CAAP1: variants seen among roughly 807,000 people sequenced by gnomAD.
CAAP1 encodes caspase activity and apoptosis inhibitor 1.
CAAP1 carries 20 observed loss-of-function variants against 34.0 expected under a neutral mutation model. The ratio of observed to expected loss-of-function variants is 0.59; its 90% CI spans 0.41 to 0.86. The LOEUF is 0.86. Ranked by LOEUF, CAAP1 falls within the 40% of genes least tolerant of loss-of-function variation. The probability of loss-of-function intolerance (pLI) is 0.00; values close to 1 mark genes in which losing one functional copy is unlikely to be tolerated. For missense variants in CAAP1, 538 were observed against 450.5 expected (o/e 1.19, Z -1.76); for synonymous variants, 213 against 166.7 (o/e 1.28, Z -2.14).
intron 4 of CAAP1, among the ~76,000 whole-genome samples, chr9:26,872,136 A>G (rs1823292993): frequency 6.6e-6 from 1 of 152,180 alleles, no homozygotes; most frequent in Non-Finnish European, 1.5e-5. Context: ...TGCTCTCAAT[A>G]AGACAACTGA....
intron 4 of CAAP1, among the ~76,000 whole-genome samples, chr9:26,870,909 G>A (rs999230098): frequency 6.6e-6 from 1 of 152,070 alleles, no homozygotes; most frequent in Admixed American, 6.5e-5. Context: ...GAGCCACCGC[G>A]CCCAGCCGCA....
intron 5 of CAAP1, among the ~76,000 whole-genome samples, chr9:26,852,585 A>G (rs1376482038): frequency 2.6e-5 from 4 of 152,326 alleles, no homozygotes; most frequent in Middle Eastern, 3.4e-3. Flanking sequence ...ATAAGAGTAC[A>G]CTACTGGTGT....
In CAAP1 at chr9:26,859,373, C is replaced by A. The variant is rs147019417; in HGVS notation, c.739+1693G>T. On this transcript the variant is annotated intron_variant, in intron 5 of 5. Transcript: ENST00000333916. ...AATTCTGAGTGTGTGAACATGGGAA[C>A]AGAAAAACATCTTCTCTTACAAGGT... Among the ~76,000 whole-genome samples the A allele has an allele frequency of 8.4e-3, 1,285 of 152,276 alleles. 13 individuals are homozygous for A. The highest frequency in any genetic ancestry group is 0.029 in the African/African-American group (1,199 of 41,548).
intron 4 of CAAP1, chr9:26,869,904 G>GGTGAT: frequency 1.0e-6 from 1 of 964,772 alleles, no homozygotes; most frequent in Non-Finnish European, 1.2e-6. Flanking sequence ...GATAGAGAAA[G>GGTGAT]AGTAGAAAAA....
chr9:26,855,755 G>C (rs917204592), intron 5 of CAAP1, among the ~76,000 whole-genome samples: 1 of 152,154 alleles, frequency 6.6e-6, no homozygotes, highest in African/African-American at 2.4e-5. Flanking sequence ...AGTATTTACT[G>C]TCTTTCCTTT....
At chr9:26,878,830 A>G (rs890970613) in intron 4 of CAAP1, among the ~76,000 whole-genome samples, 3 of 151,962 alleles carry the variant, frequency 2.0e-5, no homozygotes, top group African/African-American at 7.3e-5. Context: ...AAAAAAATCC[A>G]ACGCTTTCCT....
chr9:26,860,427 G>T (rs961686338), intron 5 of CAAP1, among the ~76,000 whole-genome samples: 2 of 152,110 alleles, frequency 1.3e-5, no homozygotes, highest in East Asian at 1.9e-4. Flanking sequence ...AAACTTACTG[G>T]TTTTTTCCCA....
intron 5 of CAAP1, among the ~76,000 whole-genome samples, chr9:26,847,087 C>G (rs1027153184): frequency 1.3e-5 from 2 of 148,220 alleles, no homozygotes; most frequent in African/African-American, 5.0e-5. Context: ...CTTTGGCTTA[C>G]TTTTTTGACT....
At chr9:26,883,710 G>A (rs1823658839) in intron 4 of CAAP1, among the ~76,000 whole-genome samples, 1 of 152,104 alleles carries the variant, frequency 6.6e-6, no homozygotes, top group South Asian at 2.1e-4. Context: ...TCAACGTGGG[G>A]AATGGGGCAA....
rs1823692503 is a variant in CAAP1, at chr9:26,884,886, C to T, written c.590-1G>A. ...ATATCAGAGTCCATTCCATTGTCACCTTATAAATGAAAGAAACTATTGAAA... is the reference window on the plus strand; with the variant it reads ...ATATCAGAGTCCATTCCATTGTCACTTTATAAATGAAAGAAACTATTGAAA... On this transcript the variant is annotated splice_acceptor_variant, in intron 3 of 5. Coordinates refer to ENST00000333916, the MANE Select transcript of CAAP1 (RefSeq NM_024828.4). LOFTEE classifies it high-confidence loss of function. 2 of 1,598,628 alleles carry T rather than the reference C, an allele frequency of 1.3e-6. No individual in the cohort carries two copies. The highest frequency in any genetic ancestry group is 1.7e-6 in the Non-Finnish European group (2 of 1,171,860).
intron 4 of CAAP1, among the ~76,000 whole-genome samples, chr9:26,882,131 T>C (rs1315997675): frequency 6.6e-6 from 1 of 152,174 alleles, no homozygotes; most frequent in Non-Finnish European, 1.5e-5. Flanking sequence ...AGCGTAAAAG[T>C]TCAGAAAATT....
chr9:26,888,805 C>T (rs1475065819), intron 1 of CAAP1, among the ~76,000 whole-genome samples: 2 of 152,186 alleles, frequency 1.3e-5, no homozygotes, highest in Non-Finnish European at 2.9e-5. Flanking sequence ...TTGTTCTTAA[C>T]AGCATTATTC....
At chr9:26,852,681 G>GTCC (rs1822780244) in intron 5 of CAAP1, among the ~76,000 whole-genome samples, 1 of 152,082 alleles carries the variant, frequency 6.6e-6, no homozygotes, top group Non-Finnish European at 1.5e-5. Context: ...AAGTAGACAT[G>GTCC]TGATAGATCA....
At chr9:26,888,944 G>T (rs1245260176) in intron 1 of CAAP1, among the ~76,000 whole-genome samples, 1 of 152,198 alleles carries the variant, frequency 6.6e-6, no homozygotes, top group Non-Finnish European at 1.5e-5. Context: ...ACAAAATGTG[G>T]TATAGTAACC....
At chr9:26,858,682 G>A (rs1050093302) in intron 5 of CAAP1, among the ~76,000 whole-genome samples, 1 of 152,084 alleles carries the variant, frequency 6.6e-6, no homozygotes, top group African/African-American at 2.4e-5. Context: ...AATTAGCCGG[G>A]CGTGGTGGGG....
chr9:26,876,210 G>C (rs980626937), intron 4 of CAAP1, among the ~76,000 whole-genome samples: 1 of 152,114 alleles, frequency 6.6e-6, no homozygotes, highest in African/African-American at 2.4e-5. Flanking sequence ...CATCTTCCAA[G>C]CACATCATTT....
intron 1 of CAAP1, among the ~76,000 whole-genome samples, chr9:26,888,958 A>G (rs1353062404): frequency 6.6e-6 from 1 of 152,256 alleles, no homozygotes; most frequent in Non-Finnish European, 1.5e-5. Flanking sequence ...AGTAACCATA[A>G]AAAGGCATGA....
intron 5 of CAAP1, among the ~76,000 whole-genome samples, chr9:26,845,208 T>C (rs962671315): frequency 2.0e-5 from 3 of 149,620 alleles, no homozygotes; most frequent in Non-Finnish European, 4.4e-5. Context: ...TCCCTGCTGT[T>C]TCCTTGGTGC....
Position 26,892,650 on chromosome 9 carries a change from C to T in CAAP1, c.66G>A (p.Ala22=). 6.2e-7 allele frequency: 1 copy of T among 1,607,776 alleles called. No homozygotes were observed. Among genetic ancestry groups the T allele is most frequent in the Non-Finnish European group, 8.5e-7 (1 of 1,179,216 alleles). ...CGGGTACGATGTCCGGGGCCGCGAG[C>T]GCTGCGGCCGCCTCCTGACTGCTAC... ...RKRSSQEAAA[A]LAAPDIVPAL... The change falls in exon 1 of 6, where the codon GCG becomes GCA. Residue 22 remains alanine, a synonymous_variant. Coordinates refer to ENST00000333916, the MANE Select transcript of CAAP1 (RefSeq NM_024828.4).
Sources: gnomAD v4.1 joint callset for allele counts (sites outside exome capture counted in the v4.1 genomes callset) on GRCh38, gnomAD v4.1.1 for gene constraint, MANE v1.5 for transcripts, NCBI Gene and HGNC (gene_info 2026-07-23, HGNC 2026-07-21) for gene names.